The following QSOX2 variants were observed in gnomAD, a reference collection of about 807,000 sequenced individuals.
QSOX2 encodes quiescin sulfhydryl oxidase 2.
In QSOX2, 46 loss-of-function variants were observed where a neutral mutation model predicts 61.7. The observed-to-expected ratio is 0.75, with a 90% CI of 0.59 to 0.95. The LOEUF (loss-of-function observed/expected upper bound fraction) is 0.95, where lower values mean the gene tolerates loss of function less well. QSOX2 is among the 40% of genes least tolerant of loss of function. The pLI is 0.00. For missense variants in QSOX2, 879 were observed against 918.9 expected (o/e 0.96, Z 0.56); for synonymous variants, 383 against 388.4 (o/e 0.99, Z 0.16).
chr9:136,209,664 C>T lies in QSOX2; in HGVS notation c.1550-389G>A. On this transcript the variant is annotated intron_variant, in intron 11 of 11. Coordinates refer to ENST00000358701, the MANE Select transcript of QSOX2 (RefSeq NM_181701.4). This position sits in a 1 kb window ranked among gnomAD's most constrained non-coding sequence, Gnocchi z 5.6. ...AGTGCTGCCTGTGTGCCCCTCCCCC[C>T]ACTGCTGCCCCTCTGCCCTTTCCTG... 2 of 985,228 alleles carry T rather than the reference C, an allele frequency of 2.0e-6. No homozygotes were observed. The highest frequency in any genetic ancestry group is 2.4e-6 in the Non-Finnish European group (2 of 829,868). 61.0% of individuals were successfully genotyped at this position (985,228 alleles called of 1,614,324 possible). A position where few individuals can be genotyped will look rare whatever the true frequency, so the allele number is the denominator to read the frequency against.
In QSOX2 at chr9:136,208,538, T is replaced by G; in HGVS notation, c.*190A>C. The G allele has an allele frequency of 1.6e-6, 1 of 621,638 alleles. No homozygotes were observed. Among genetic ancestry groups the G allele is most frequent in the Non-Finnish European group, 2.7e-6 (1 of 376,366 alleles). 38.5% of individuals were successfully genotyped at this position (621,638 alleles called of 1,614,324 possible). A position where few individuals can be genotyped will look rare whatever the true frequency, so the allele number is the denominator to read the frequency against. On this transcript the variant is annotated 3_prime_UTR_variant, in exon 12 of 12. Coordinates refer to ENST00000358701, the MANE Select transcript of QSOX2 (RefSeq NM_181701.4). ...AGGAATGCAAATATCCCCACAAAAT[T>G]ACCCCGTGTTCTTCCCTTGTTAGAA...
intron 8 of QSOX2, among the ~76,000 whole-genome samples, chr9:136,218,119 C>T (rs553956778): frequency 1.2e-3 from 187 of 152,356 alleles, no homozygotes; most frequent in Middle Eastern, 3.4e-3. Context: ...TTCAGCCTGA[C>T]CCTGGGCACG....
intron 9 of QSOX2, among the ~76,000 whole-genome samples, chr9:136,215,699 C>G (rs1564290332): frequency 6.6e-6 from 1 of 152,176 alleles, no homozygotes; most frequent in East Asian, 1.9e-4. Flanking sequence ...TTGGCCAGAA[C>G]AAACAAGGTG....
intron 1 of QSOX2, 96 bp downstream of exon 1, chr9:136,245,380 G>A: frequency 1.9e-6 from 2 of 1,039,470 alleles, no homozygotes; most frequent in Non-Finnish European, 1.4e-6. Flanking sequence ...ATACGGGGGA[G>A]GGGCCCCGGG....
At chr9:136,225,449 C>T (rs554602731) in intron 2 of QSOX2, among the ~76,000 whole-genome samples, 3 of 152,334 alleles carry the variant, frequency 2.0e-5, no homozygotes, top group South Asian at 2.1e-4. Flanking sequence ...AAGAGGGAAA[C>T]GTGCAGATGA....
At position 136,216,582 on chromosome 9, in the gene QSOX2, G is replaced by A. The variant is rs765614690; in HGVS notation, c.1209+18C>T. On this transcript the variant is annotated intron_variant, in intron 9 of 11. Coordinates refer to ENST00000358701, the MANE Select transcript of QSOX2 (RefSeq NM_181701.4). ...GGAAGGAGGGTGCAGCGTGGCTGGC[G>A]AGGGTTCTGGGGCTCACCCGCATCT... 1.3e-5 allele frequency: 21 copies of A among 1,612,762 alleles called. No individual in the cohort carries two copies. The highest frequency in any genetic ancestry group is 2.7e-5 in the African/African-American group (2 of 75,026).
At chr9:136,216,468 A>G in intron 9 of QSOX2, 132 bp downstream of exon 9, 4 of 1,232,514 alleles carry the variant, frequency 3.2e-6, no homozygotes, top group Non-Finnish European at 4.5e-6. Flanking sequence ...TGTCGTGGAG[A>G]CAGTAAGTCA....
rs552137361 is a variant in QSOX2 at position 136,221,474 on chromosome 9, G to A, written c.821+322C>T. Among the ~76,000 whole-genome samples the A allele has an allele frequency of 1.8e-4, 27 of 152,326 alleles. No homozygotes were observed. On this transcript the variant is annotated intron_variant, in intron 6 of 11. Transcript: ENST00000358701. This position sits in a 1 kb window ranked among gnomAD's most constrained non-coding sequence, Gnocchi z 4.5. ...CCCAGAGCAGGGTTTTAGGAGCATC[G>A]GCTGCTCCCAAAGCCCCGGCCCAGC...
chr9:136,241,796 C>T (rs1045156728), intron 1 of QSOX2, among the ~76,000 whole-genome samples: 5 of 152,202 alleles, frequency 3.3e-5, no homozygotes, highest in African/African-American at 1.2e-4. Flanking sequence ...GAGGGCAGGT[C>T]TAGGAGGACT....
rs895005026 is a variant in QSOX2 at position 136,223,327 on chromosome 9, G to T, written c.675+436C>A. On this transcript the variant is annotated intron_variant, in intron 5 of 11. Coordinates refer to ENST00000358701, the MANE Select transcript of QSOX2 (RefSeq NM_181701.4). The surrounding 1 kb of genome is among the most constrained non-coding windows in gnomAD (Gnocchi z 4.4). ...GAAGCAAGGCTTCAGAACTGTACGT[G>T]TGAAATCAAAGTATGACGATAGAAA... 2.6e-4 allele frequency among the ~76,000 whole-genome samples: 40 copies of T among 152,328 alleles called. No homozygotes were observed. Among genetic ancestry groups the T allele is most frequent in the African/African-American group, 9.6e-4 (40 of 41,576 alleles).
intron 1 of QSOX2, among the ~76,000 whole-genome samples, chr9:136,230,160 T>C (rs1830317671): frequency 6.6e-6 from 1 of 152,146 alleles, no homozygotes; most frequent in Non-Finnish European, 1.5e-5. Context: ...GTGCCTGTAG[T>C]CCCAGCTACT....
In QSOX2 at chr9:136,209,031, C is replaced by T; in HGVS notation, c.1794G>A (p.Glu598=). Residue 598 remains glutamate (E), a synonymous_variant, in exon 12 of 12, where the codon GAG becomes GAA. Transcript: ENST00000358701. This position sits in a 1 kb window ranked among gnomAD's most constrained non-coding sequence, Gnocchi z 5.6. ...EEEEKRLTPP[E]VSHGDRDTQS... The stretch of plus-strand genomic sequence containing the variant: ...GGGTGTCTCGGTCTCCATGGGACAC[C>T]TCTGGGGGAGTGAGTCTTTTCTCCT... The T allele has an allele frequency of 5.6e-6, 9 of 1,614,108 alleles. No individual in the cohort carries two copies. Among genetic ancestry groups the T allele is most frequent in the Non-Finnish European group, 6.8e-6 (8 of 1,179,994 alleles).
intron 3 of QSOX2, 76 bp downstream of exon 3, chr9:136,224,785 G>A: frequency 2.0e-6 from 2 of 1,022,838 alleles, no homozygotes; most frequent in South Asian, 3.1e-5. Flanking sequence ...GAGCTCCCCA[G>A]GCTCTGGGAC....
chr9:136,243,069 CACAG>C (rs1830445646), intron 1 of QSOX2, among the ~76,000 whole-genome samples: 2 of 152,196 alleles, frequency 1.3e-5, no homozygotes, highest in Admixed American at 1.3e-4. Flanking sequence ...AAACAGAGAT[CACAG>C]ACAGACAGCA....
Position 136,206,795 on chromosome 9 carries a change from G to A in QSOX2, c.*1933C>T, listed in dbSNP as rs1358142020. On this transcript the variant is annotated 3_prime_UTR_variant, in exon 12 of 12. Coordinates refer to ENST00000358701, the MANE Select transcript of QSOX2 (RefSeq NM_181701.4). ...TGCCCTCCACAAGGGTTTCTGGAAAGGCTGAAGCTGGAGACGGTAAACCAC... is the reference window on the plus strand; with the variant it reads ...TGCCCTCCACAAGGGTTTCTGGAAAAGCTGAAGCTGGAGACGGTAAACCAC... The A allele has an allele frequency of 6.6e-6, 1 of 152,386 alleles. No homozygotes were observed. Among genetic ancestry groups the A allele is most frequent in the Non-Finnish European group, 1.5e-5 (1 of 68,048 alleles). The allele number at this position is 152,386 out of a possible 1,614,324, so 9.4% of individuals were successfully genotyped here.
At chr9:136,229,396 C>T (rs1830310728) in intron 1 of QSOX2, among the ~76,000 whole-genome samples, 1 of 152,248 alleles carries the variant, frequency 6.6e-6, no homozygotes, top group South Asian at 2.1e-4. Context: ...GGCTCCTCAG[C>T]CCGTGCATCC....
At chr9:136,241,133 C>T (rs1291662355) in intron 1 of QSOX2, among the ~76,000 whole-genome samples, 1 of 152,202 alleles carries the variant, frequency 6.6e-6, no homozygotes, top group Non-Finnish European at 1.5e-5. Context: ...AGCCCGGCTG[C>T]TCCGATGCAC....
intron 1 of QSOX2, among the ~76,000 whole-genome samples, chr9:136,234,850 C>T (rs982805076): frequency 1.7e-4 from 25 of 149,700 alleles, no homozygotes; most frequent in Non-Finnish European, 2.1e-4. Flanking sequence ...CCACTGCGCC[C>T]GCCCCAGCCT....
chr9:136,212,263 C>T (rs1295580860), intron 10 of QSOX2, among the ~76,000 whole-genome samples: 1 of 152,234 alleles, frequency 6.6e-6, no homozygotes, highest in Admixed American at 6.5e-5. Flanking sequence ...GCAGTCCCCA[C>T]TCAGACGACT....
Sources: gnomAD v4.1 joint callset for allele counts (sites outside exome capture counted in the v4.1 genomes callset) on GRCh38, gnomAD v4.1.1 for gene constraint, Gnocchi (gnomAD v3.1) non-coding constraint, MANE v1.5 for transcripts, NCBI Gene and HGNC (gene_info 2026-07-23, HGNC 2026-07-21) for gene names.